The following ALMS1 variants were observed in gnomAD, a reference collection of about 807,000 sequenced individuals.
The protein encoded by ALMS1 is ALMS1 centrosome and basal body associated protein.
Under a neutral mutation model 352.2 loss-of-function variants are expected in ALMS1, and 271 were observed. The ratio of observed to expected loss-of-function variants is 0.77; its 90% CI spans 0.70 to 0.85. The LOEUF is 0.85. Among genes scored for constraint, ALMS1 ranks in the 40% least tolerant of loss-of-function variants. The pLI is 0.00. For synonymous variants in ALMS1, 1,865 were observed against 1,761.2 expected (o/e 1.06, Z -1.48); for missense variants, 5,445 against 4,870.7 (o/e 1.12, Z -3.51).
At chr2:73,551,269 A>C (rs868488250) in intron 13 of ALMS1, among the ~76,000 whole-genome samples, 1 of 152,078 alleles carries the variant, frequency 6.6e-6, no homozygotes, top group African/African-American at 2.4e-5. Context: ...GCATTCATTC[A>C]TGGTGGTAAT....
rs879046601 is a variant in ALMS1, at chr2:73,432,201, A to G, written c.1342A>G (p.Thr448Ala). The change falls in exon 7 of 23, where the codon ACA (threonine) becomes GCA (alanine). Residue 448 changes from threonine to alanine, a missense_variant. Thr to Ala is a moderately conservative substitution (Grantham distance 58). Coordinates refer to ENST00000613296, the MANE Select transcript of ALMS1 (RefSeq NM_001378454.1). ...GCCTTCATTTGTTCCACATAAGCCAACAAGAGAGTCGGAATATCACTCTTC... is the reference window on the plus strand; with the variant it reads ...GCCTTCATTTGTTCCACATAAGCCAGCAAGAGAGTCGGAATATCACTCTTC... ...ERVAELQRKP[T>A]RESEYHSSDL... is the part of the protein sequence containing the mutation. 1.9e-6 allele frequency: 3 copies of G among 1,612,072 alleles called. No individual in the cohort carries two copies. The highest frequency in any genetic ancestry group is 3.3e-5 in the Admixed American group (2 of 59,992).
chr2:73,411,799 A>G (rs1306441031), intron 2 of ALMS1, among the ~76,000 whole-genome samples: 2 of 152,164 alleles, frequency 1.3e-5, no homozygotes, highest in East Asian at 3.9e-4. Flanking sequence ...CAGTGCCTGA[A>G]GTTCTCATAT....
intron 10 of ALMS1, among the ~76,000 whole-genome samples, chr2:73,513,089 C>A (rs1315042971): frequency 6.6e-6 from 1 of 152,034 alleles, no homozygotes; most frequent in African/African-American, 2.4e-5. Context: ...ATAACGAATT[C>A]TCTCATTTCT....
rs148568833 is a variant in ALMS1, at chr2:73,451,257, C to T, written c.4730C>T (p.Pro1577Leu). Residue 1577 changes from proline to leucine, a missense_variant, in exon 8 of 23, where the codon CCG (proline) becomes CTG (leucine). Transcript: ENST00000613296. ...TSTSYSFGEK[P>L]IVNYKQAFPD... ...ACTTCCTACTCATTTGGAGAGAAGC[C>T]GATTGTTAACTACAAACAGGCCTTT... 4.0e-5 allele frequency: 65 copies of T among 1,613,740 alleles called. No homozygotes were observed. The highest frequency in any genetic ancestry group is 8.0e-5 in the African/African-American group (6 of 74,814).
intron 21 of ALMS1, among the ~76,000 whole-genome samples, chr2:73,607,406 T>G (rs1045853192): frequency 3.9e-5 from 6 of 152,154 alleles, no homozygotes; most frequent in African/African-American, 1.4e-4. Flanking sequence ...TCTCCCAACT[T>G]AAAATCATTG....
chr2:73,593,171 G>A (rs991357335), intron 16 of ALMS1, among the ~76,000 whole-genome samples: 1 of 147,972 alleles, frequency 6.8e-6, no homozygotes, highest in Non-Finnish European at 1.5e-5. Flanking sequence ...TTTACTGACC[G>A]CATATATAAA....
rs1254032403 is a variant in ALMS1 at position 73,452,937 on chromosome 2, C to A, written c.6410C>A (p.Ala2137Asp). ...PAGQKTVLPTALPSSFSHREK... is the reference protein window; with the variant it reads ...PAGQKTVLPTDLPSSFSHREK... Reference sequence around the variant, plus strand: ...GGCCAGAAAACAGTATTACCAACAGCTCTTCCTAGTTCCTTTTCACATCGA... The same window carrying A: ...GGCCAGAAAACAGTATTACCAACAGATCTTCCTAGTTCCTTTTCACATCGA... The change falls in exon 8 of 23, where the codon GCT (alanine) becomes GAT (aspartate). Residue 2137 changes from alanine to aspartate, a missense_variant. Ala to Asp is a moderately radical substitution (Grantham distance 126). Coordinates refer to ENST00000613296, the MANE Select transcript of ALMS1 (RefSeq NM_001378454.1). 1 of 1,613,738 alleles carries A rather than the reference C, an allele frequency of 6.2e-7. No individual in the cohort carries two copies. Among genetic ancestry groups the A allele is most frequent in the Non-Finnish European group, 8.5e-7 (1 of 1,179,948 alleles).
At chr2:73,487,600 A>AGGG (rs1191435784) in intron 9 of ALMS1, among the ~76,000 whole-genome samples, 1 of 151,976 alleles carries the variant, frequency 6.6e-6, no homozygotes, top group Non-Finnish European at 1.5e-5. Flanking sequence ...GCAGGCGGGG[A>AGGG]GGGGGCATGT....
At chr2:73,400,313 A>G (rs1018241501) in intron 1 of ALMS1, among the ~76,000 whole-genome samples, 2 of 152,236 alleles carry the variant, frequency 1.3e-5, no homozygotes, top group African/African-American at 4.8e-5. Context: ...ATGATGTACA[A>G]TACTTTTGTA....
chr2:73,567,506 G>A (rs946378577), intron 15 of ALMS1, among the ~76,000 whole-genome samples: 2 of 152,018 alleles, frequency 1.3e-5, no homozygotes, highest in Admixed American at 1.3e-4. Context: ...CAATTTACAG[G>A]GTATTTAAAT....
At position 73,450,875 on chromosome 2, in the gene ALMS1, G is replaced by A; in HGVS notation, c.4348G>A (p.Glu1450Lys). The change falls in exon 8 of 23, where the codon GAA becomes AAA. Residue 1450 changes from glutamate (E) to lysine (K), a missense_variant. Physicochemically the swap from Glu to Lys is moderately conservative, Grantham distance 56. Coordinates refer to ENST00000613296, the MANE Select transcript of ALMS1 (RefSeq NM_001378454.1). ...GGTCTTGCCACATAGTCATCTACCT[G>A]AAGAGGCTTTGGAAGTTTCAGTTGC... ...QQVLPHSHLPEEALEVSVAPG... is the reference protein window; with the variant it reads ...QQVLPHSHLPKEALEVSVAPG... 1 of 1,614,098 alleles carries A rather than the reference G, an allele frequency of 6.2e-7. No homozygotes were observed. The highest frequency in any genetic ancestry group is 1.1e-5 in the South Asian group (1 of 91,084).
At chr2:73,467,510 G>A (rs186946546) in intron 9 of ALMS1, among the ~76,000 whole-genome samples, 4 of 152,188 alleles carry the variant, frequency 2.6e-5, no homozygotes, top group African/African-American at 9.6e-5. Flanking sequence ...TGATGGGAAG[G>A]TAAACTGGTA....
intron 1 of ALMS1, among the ~76,000 whole-genome samples, chr2:73,400,224 G>A (rs1277102595): frequency 6.6e-6 from 1 of 152,194 alleles, no homozygotes; most frequent in Non-Finnish European, 1.5e-5. Flanking sequence ...GGAATTACAG[G>A]TGGGAGCCAC....
intron 16 of ALMS1, among the ~76,000 whole-genome samples, chr2:73,574,172 C>T (rs1675003927): frequency 6.6e-6 from 1 of 152,112 alleles, no homozygotes; most frequent in Non-Finnish European, 1.5e-5. Context: ...TCTCATCTGT[C>T]TTCTTAAAGA....
At chr2:73,595,684 T>C (rs1237715616) in intron 16 of ALMS1, among the ~76,000 whole-genome samples, 13 of 152,252 alleles carry the variant, frequency 8.5e-5, no homozygotes, top group Non-Finnish European at 1.9e-4. Flanking sequence ...GATAGGTTTA[T>C]GTTTAACTTT....
In ALMS1 at chr2:73,484,124, A is replaced by G. The variant is rs1398354593; in HGVS notation, c.7675-5510A>G. On this transcript the variant is annotated intron_variant, in intron 9 of 22. Transcript: ENST00000613296. Reference sequence around the variant, plus strand: ...AATTTGATCCTGTCATTATGATGTTAGCTGGTTATTTTGCTCATTAGTTGA... The same window carrying G: ...AATTTGATCCTGTCATTATGATGTTGGCTGGTTATTTTGCTCATTAGTTGA... Among the ~76,000 whole-genome samples, 4 of 151,738 alleles carry G rather than the reference A, an allele frequency of 2.6e-5. No individual in the cohort carries two copies. The East Asian group carries it at 7.7e-4, about 29-fold the overall frequency.
At chr2:73,455,839 T>C (rs1672049007) in intron 9 of ALMS1, among the ~76,000 whole-genome samples, 1 of 151,698 alleles carries the variant, frequency 6.6e-6, no homozygotes, top group Admixed American at 6.6e-5. Flanking sequence ...GCTTGTTTTA[T>C]CAATTTTTTT....
intron 10 of ALMS1, among the ~76,000 whole-genome samples, chr2:73,510,412 T>C (rs1353024079): frequency 6.6e-6 from 1 of 152,190 alleles, no homozygotes; most frequent in African/African-American, 2.4e-5. Flanking sequence ...GTCGTTCTTT[T>C]TGTTGATGTT....
rs756389027 is a variant in ALMS1 at position 73,448,254 on chromosome 2, C to G, written c.1727C>G (p.Ser576Ter). The stretch of plus-strand genomic sequence containing the variant: ...CCAACAGTACTCTCTAGTTCCCACT[C>G]ACATAGGGGGAAGCCCAGCATTTTC... Reference protein sequence around the residue: ...ATPTVLSSSHSHRGKPSIFYQ... With the variant: ...ATPTVLSSSH The change falls in exon 8 of 23, where the codon TCA (serine) becomes TGA (stop). Residue 576 changes from serine (S) to a stop codon, truncating the protein, a stop_gained. Transcript: ENST00000613296. LOFTEE classifies it high-confidence loss of function. 2.5e-6 allele frequency: 4 copies of G among 1,613,994 alleles called. No homozygotes were observed. The highest frequency in any genetic ancestry group is 1.7e-5 in the Admixed American group (1 of 59,988).
Sources: allele counts gnomAD v4.1 joint callset (sites outside exome capture counted in the v4.1 genomes callset), GRCh38; gene constraint gnomAD v4.1.1; transcripts MANE v1.5; gene names NCBI Gene and HGNC (gene_info 2026-07-23, HGNC 2026-07-21).